KCNQ1OT1: variants seen among roughly 807,000 people sequenced by gnomAD.
The protein encoded by KCNQ1OT1 is KCNQ1 opposite strand/antisense transcript 1, also known as KCNQ1 antisense RNA 2 (non-protein coding).
chr11:2,682,602 G>A lies in KCNQ1OT1; in HGVS notation n.17393C>T, dbSNP rs1590029410. On this transcript the variant is annotated non_coding_transcript_exon_variant, in exon 1 of 1. Coordinates refer to ENST00000597346, the Ensembl canonical transcript of KCNQ1OT1. The surrounding 1 kb of genome is among the most constrained non-coding windows in gnomAD (Gnocchi z 5.8). ...GCAACCCAAGGCTGGTCTGGAGAGT[G>A]TAAGGCTTGAGAGCTCTTCTTCAGG... 7.5e-6 allele frequency: 3 copies of A among 398,490 alleles called. No homozygotes were observed. Among genetic ancestry groups the A allele is most frequent in the South Asian group, 1.3e-4 (1 of 7,854 alleles). The allele number at this position is 398,490 out of a possible 1,614,324, so 24.7% of individuals were successfully genotyped here.
chr11:2,630,955 T>C, exon 1 of KCNQ1OT1: 1 of 398,528 alleles, frequency 2.5e-6, no homozygotes, highest in Non-Finnish European at 4.4e-6. Flanking sequence ...CTGATAGCCT[T>C]ATGGAGGTTC....
At position 2,687,623 on chromosome 11, in the gene KCNQ1OT1, C is replaced by G. The variant is rs1203509578; in HGVS notation, n.12372G>C. The G allele has an allele frequency of 2.5e-6, 1 of 398,576 alleles. No individual in the cohort carries two copies. Among genetic ancestry groups the G allele is most frequent in the Non-Finnish European group, 4.4e-6 (1 of 226,136 alleles). 24.7% of individuals were successfully genotyped at this position (398,576 alleles called of 1,614,324 possible). A position where few individuals can be genotyped will look rare whatever the true frequency, so the allele number is the denominator to read the frequency against. ...AAGGGGCAGAGATCCCTTCTCCATTCCTCTCAGGCCCCTGTAAAAATTGGG... is the reference window on the plus strand; with the variant it reads ...AAGGGGCAGAGATCCCTTCTCCATTGCTCTCAGGCCCCTGTAAAAATTGGG... On this transcript the variant is annotated non_coding_transcript_exon_variant, in exon 1 of 1. Transcript: ENST00000597346. This position sits in a 1 kb window ranked among gnomAD's most constrained non-coding sequence, Gnocchi z 5.0.
chr11:2,683,040 C>T lies in KCNQ1OT1; in HGVS notation n.16955G>A, dbSNP rs1032363164. 2.5e-6 allele frequency: 1 copy of T among 398,584 alleles called. No individual in the cohort carries two copies. Among genetic ancestry groups the T allele is most frequent in the African/African-American group, 2.1e-5 (1 of 48,634 alleles). The allele number at this position is 398,584 out of a possible 1,614,324, so 24.7% of individuals were successfully genotyped here. A position where few individuals can be genotyped will look rare whatever the true frequency, so the allele number is the denominator to read the frequency against. ...GCCTCCTGAGAGAGGTGACCTTCTC[C>T]CACTTCTTACAGGCAAGGCTCTTGC... On this transcript the variant is annotated non_coding_transcript_exon_variant, in exon 1 of 1. Coordinates refer to ENST00000597346, the Ensembl canonical transcript of KCNQ1OT1. This position sits in a 1 kb window ranked among gnomAD's most constrained non-coding sequence, Gnocchi z 4.7.
exon 1 of KCNQ1OT1, chr11:2,686,101 T>A (rs1323122967): frequency 1.3e-5 from 5 of 398,770 alleles, no homozygotes; most frequent in Non-Finnish European, 2.2e-5. Flanking sequence ...CCTGAGTTGA[T>A]GGCAAAGTGT....
In KCNQ1OT1 at chr11:2,624,284, A is replaced by G. The variant is rs1849226329; in HGVS notation, n.75711T>C. The G allele has an allele frequency of 5.0e-6, 2 of 398,476 alleles. No homozygotes were observed. Among genetic ancestry groups the G allele is most frequent in the Non-Finnish European group, 8.8e-6 (2 of 226,010 alleles). 24.7% of individuals were successfully genotyped at this position (398,476 alleles called of 1,614,324 possible). A position where few individuals can be genotyped will look rare whatever the true frequency, so the allele number is the denominator to read the frequency against. ...TCAGATTGTTTGTTTTCTAATTGTT[A>G]TGTTTTTAAGGTTCTTTATATATTT... On this transcript the variant is annotated non_coding_transcript_exon_variant, in exon 1 of 1. Coordinates refer to ENST00000597346, the Ensembl canonical transcript of KCNQ1OT1. The surrounding 1 kb of genome is among the most constrained non-coding windows in gnomAD (Gnocchi z 4.9).
exon 1 of KCNQ1OT1, chr11:2,689,281 A>T: frequency 2.5e-6 from 1 of 398,670 alleles, no homozygotes; most frequent in Non-Finnish European, 4.4e-6. Flanking sequence ...TTGCACAGAT[A>T]TCTCCCACTC....
chr11:2,657,270 T>G lies in KCNQ1OT1; in HGVS notation n.42725A>C, dbSNP rs1849866505. The G allele has an allele frequency of 2.5e-6, 1 of 398,654 alleles. No homozygotes were observed. Among genetic ancestry groups the G allele is most frequent in the East Asian group, 3.6e-5 (1 of 28,080 alleles). 24.7% of individuals were successfully genotyped at this position (398,654 alleles called of 1,614,324 possible). ...TTCTCACACAGAAGCCTTGAGATTT[T>G]TATTAAGATTTGGAGAGATTTATTC... On this transcript the variant is annotated non_coding_transcript_exon_variant, in exon 1 of 1. Transcript: ENST00000597346. The surrounding 1 kb of genome is among the most constrained non-coding windows in gnomAD (Gnocchi z 4.8).
chr11:2,675,283 A>G (rs1257200461), exon 1 of KCNQ1OT1: 1 of 398,512 alleles, frequency 2.5e-6, no homozygotes, highest in East Asian at 3.6e-5. Flanking sequence ...ACCTCTCCCA[A>G]AAGCAGAGTT....
exon 1 of KCNQ1OT1, chr11:2,638,920 C>T (rs1435940865): frequency 1.3e-5 from 2 of 152,162 alleles, no homozygotes; most frequent in Non-Finnish European, 2.9e-5. Context: ...TTTGTTTTTA[C>T]TCTTTTTTCT....
chr11:2,669,334 A>C lies in KCNQ1OT1; in HGVS notation n.30661T>G, dbSNP rs529873454. ...GCCATGGAAAGCCTCCTCTAGGCGCAGCAGCCTCTAGATGGGCATGGGAGA... is the reference window on the plus strand; with the variant it reads ...GCCATGGAAAGCCTCCTCTAGGCGCCGCAGCCTCTAGATGGGCATGGGAGA... On this transcript the variant is annotated non_coding_transcript_exon_variant, in exon 1 of 1. Coordinates refer to ENST00000597346, the Ensembl canonical transcript of KCNQ1OT1. The surrounding 1 kb of genome is among the most constrained non-coding windows in gnomAD (Gnocchi z 5.6). 2.8e-5 allele frequency: 11 copies of C among 398,648 alleles called. No homozygotes were observed. In the Admixed American group the frequency reaches 3.5e-4, roughly 13 times the overall value. 24.7% of individuals were successfully genotyped at this position (398,648 alleles called of 1,614,324 possible).
Position 2,659,196 on chromosome 11 carries a change from A to G in KCNQ1OT1, n.40799T>C, listed in dbSNP as rs1287297861. The G allele has an allele frequency of 2.5e-6, 1 of 398,618 alleles. No individual in the cohort carries two copies. Among genetic ancestry groups the G allele is most frequent in the Admixed American group, 4.4e-5 (1 of 22,736 alleles). 24.7% of individuals were successfully genotyped at this position (398,618 alleles called of 1,614,324 possible). On this transcript the variant is annotated non_coding_transcript_exon_variant, in exon 1 of 1. Transcript: ENST00000597346. The surrounding 1 kb of genome is among the most constrained non-coding windows in gnomAD (Gnocchi z 4.3). Reference sequence around the variant, plus strand: ...AGATGTCTGGAGTCATGTGTCCACAATCCAGTATCATTCACAGAAGTTCCA... The same window carrying G: ...AGATGTCTGGAGTCATGTGTCCACAGTCCAGTATCATTCACAGAAGTTCCA...
Position 2,669,302 on chromosome 11 carries a change from G to A in KCNQ1OT1, n.30693C>T, listed in dbSNP as rs545784813. The stretch of plus-strand genomic sequence containing the variant: ...CAGGGTTTCTCCTCACCATACATAT[G>A]CCAGTTGCCATGGAAAGCCTCCTCT... On this transcript the variant is annotated non_coding_transcript_exon_variant, in exon 1 of 1. Transcript: ENST00000597346. The surrounding 1 kb of genome is among the most constrained non-coding windows in gnomAD (Gnocchi z 5.6). The A allele has an allele frequency of 3.5e-5, 14 of 398,602 alleles. No homozygotes were observed. The South Asian group carries it at 1.0e-3, about 29-fold the overall frequency. The allele number at this position is 398,602 out of a possible 1,614,324, so 24.7% of individuals were successfully genotyped here.
At position 2,654,372 on chromosome 11, in the gene KCNQ1OT1, A is replaced by T; in HGVS notation, n.45623T>A. On this transcript the variant is annotated non_coding_transcript_exon_variant, in exon 1 of 1. Coordinates refer to ENST00000597346, the Ensembl canonical transcript of KCNQ1OT1. The surrounding 1 kb of genome is among the most constrained non-coding windows in gnomAD (Gnocchi z 6.4). ...GGGAGAGCTTCTGTTCATCCTTGTG[A>T]AGTAGGCTGGCTCAGGGAACTCGCC... 1 of 398,488 alleles carries T rather than the reference A, an allele frequency of 2.5e-6. No homozygotes were observed. The highest frequency in any genetic ancestry group is 4.4e-6 in the Non-Finnish European group (1 of 226,070). The allele number at this position is 398,488 out of a possible 1,614,324, so 24.7% of individuals were successfully genotyped here.
chr11:2,654,493 G>A lies in KCNQ1OT1; in HGVS notation n.45502C>T, dbSNP rs538850619. On this transcript the variant is annotated non_coding_transcript_exon_variant, in exon 1 of 1. Coordinates refer to ENST00000597346, the Ensembl canonical transcript of KCNQ1OT1. The surrounding 1 kb of genome is among the most constrained non-coding windows in gnomAD (Gnocchi z 6.4). The stretch of plus-strand genomic sequence containing the variant: ...AAGCCCTGCAGCCGTACAGGGGAGG[G>A]GGCAATCTCCGGAGCCCTGGAAAGC... 7.0e-4 allele frequency: 280 copies of A among 398,794 alleles called. 2 individuals carry two copies. The highest frequency in any genetic ancestry group is 5.4e-3 in the African/African-American group (263 of 48,730). 24.7% of individuals were successfully genotyped at this position (398,794 alleles called of 1,614,324 possible).
rs1326019545 is a variant in KCNQ1OT1, at chr11:2,690,979, C to T, written n.9016G>A. On this transcript the variant is annotated non_coding_transcript_exon_variant, in exon 1 of 1. Coordinates refer to ENST00000597346, the Ensembl canonical transcript of KCNQ1OT1. This position sits in a 1 kb window ranked among gnomAD's most constrained non-coding sequence, Gnocchi z 5.1. ...TCACGGGTATGTGTCAACAAAAGCCCACCAGACCATCAATGAAGTGGGCAA... is the reference window on the plus strand; with the variant it reads ...TCACGGGTATGTGTCAACAAAAGCCTACCAGACCATCAATGAAGTGGGCAA... 1 of 398,550 alleles carries T rather than the reference C, an allele frequency of 2.5e-6. No homozygotes were observed. The highest frequency in any genetic ancestry group is 4.4e-6 in the Non-Finnish European group (1 of 226,092). The allele number at this position is 398,550 out of a possible 1,614,324, so 24.7% of individuals were successfully genotyped here. A position where few individuals can be genotyped will look rare whatever the true frequency, so the allele number is the denominator to read the frequency against.
rs1422428577 is a variant in KCNQ1OT1, at chr11:2,669,019, C to T, written n.30976G>A. The T allele has an allele frequency of 2.5e-6, 1 of 398,562 alleles. No individual in the cohort carries two copies. The highest frequency in any genetic ancestry group is 4.4e-6 in the Non-Finnish European group (1 of 226,112). 24.7% of individuals were successfully genotyped at this position (398,562 alleles called of 1,614,324 possible). A position where few individuals can be genotyped will look rare whatever the true frequency, so the allele number is the denominator to read the frequency against. ...GTCCACTCTTCCCCTACTTGGATAT[C>T]CAGTCTAGCTCAGCACCCGGCATGG... On this transcript the variant is annotated non_coding_transcript_exon_variant, in exon 1 of 1. Transcript: ENST00000597346. This position sits in a 1 kb window ranked among gnomAD's most constrained non-coding sequence, Gnocchi z 5.6.
chr11:2,672,019 C>T (rs903358304), exon 1 of KCNQ1OT1: 7 of 398,544 alleles, frequency 1.8e-5, no homozygotes, highest in Admixed American at 4.4e-5. Flanking sequence ...TTGGGCTTGT[C>T]TCCCTACCCT....
In KCNQ1OT1 at chr11:2,649,432, T is replaced by G. The variant is rs148150581; in HGVS notation, n.50563A>C. On this transcript the variant is annotated non_coding_transcript_exon_variant, in exon 1 of 1. Transcript: ENST00000597346. ...TAGATATCATCCTCCTACTTCCAGA[T>G]GTAGTACTCCCTTAAGCATTTCTTG... 374 of 398,582 alleles carry G rather than the reference T, an allele frequency of 9.4e-4. 2 individuals are homozygous for G. The highest frequency in any genetic ancestry group is 7.1e-3 in the African/African-American group (344 of 48,754). 24.7% of individuals were successfully genotyped at this position (398,582 alleles called of 1,614,324 possible). A position where few individuals can be genotyped will look rare whatever the true frequency, so the allele number is the denominator to read the frequency against.
exon 1 of KCNQ1OT1, chr11:2,696,587 T>G: frequency 2.5e-6 from 1 of 398,678 alleles, no homozygotes; most frequent in Non-Finnish European, 4.4e-6. Flanking sequence ...GTTTGTTAAA[T>G]TACTCAAGCC....
Sources: gnomAD v4.1 joint callset for allele counts on GRCh38, gnomAD v4.1.1 for gene constraint, Gnocchi (gnomAD v3.1) non-coding constraint, MANE v1.5 for transcripts, NCBI Gene and HGNC (gene_info 2026-07-23, HGNC 2026-07-21) for gene names.